Variants in RNF111 observed in about 807,000 individuals in gnomAD.
RNF111 encodes ring finger protein 111, also known as E3 ubiquitin-protein ligase Arkadia.
RNF111 carries 17 observed loss-of-function variants against 95.1 expected under a neutral mutation model. The observed-to-expected ratio is 0.18, with a 90% CI of 0.12 to 0.27. The LOEUF is 0.27. Ranked by LOEUF, RNF111 falls within the 10% of genes least tolerant of loss-of-function variation. RNF111 has a pLI of 1.00. For missense variants in RNF111, 1,189 were observed against 1,210.4 expected (o/e 0.98, Z 0.26); for synonymous variants, 440 against 414.8 (o/e 1.06, Z -0.74).
intron 1 of RNF111, among the ~76,000 whole-genome samples, chr15:59,022,528 C>G (rs898640717): frequency 5.3e-5 from 8 of 152,160 alleles, no homozygotes; most frequent in African/African-American, 1.9e-4. Flanking sequence ...AATATCCAGA[C>G]CAACATGGAA....
chr15:59,039,289 C>T (rs1447486352), intron 2 of RNF111, among the ~76,000 whole-genome samples: 1 of 151,964 alleles, frequency 6.6e-6, no homozygotes, highest in East Asian at 1.9e-4. Context: ...TATCATTTTG[C>T]TTAGGTTTAT....
At chr15:59,054,304 A>T (rs2042116058) in intron 3 of RNF111, among the ~76,000 whole-genome samples, 1 of 152,084 alleles carries the variant, frequency 6.6e-6, no homozygotes, top group Admixed American at 6.6e-5. Flanking sequence ...GACAGTTGCT[A>T]CTAATCATAG....
chr15:59,052,569 ATTTTTTTT>A (rs768761060), intron 3 of RNF111, 138 bp downstream of exon 3: 3 of 248,818 alleles, frequency 1.2e-5, no homozygotes, highest in Admixed American at 6.3e-5. Flanking sequence ...AGATTAGTGG[ATTTTTTTT>A]TTTTTTTTTT....
intron 8 of RNF111, among the ~76,000 whole-genome samples, chr15:59,081,746 G>C (rs546971377): frequency 6.6e-6 from 1 of 151,682 alleles, no homozygotes; most frequent in South Asian, 2.1e-4. Context: ...ACAAAAGATA[G>C]GTGGCTGCAG....
At chr15:59,033,077 G>T (rs1238541753) in intron 2 of RNF111, among the ~76,000 whole-genome samples, 1 of 152,218 alleles carries the variant, frequency 6.6e-6, no homozygotes, top group Non-Finnish European at 1.5e-5. Flanking sequence ...TGAGGGAAAA[G>T]ATTAATTTCT....
chr15:59,056,472 T>C (rs1403757455), intron 4 of RNF111, among the ~76,000 whole-genome samples: 2 of 152,196 alleles, frequency 1.3e-5, no homozygotes, highest in East Asian at 3.8e-4. Context: ...ATTAGTTATA[T>C]CTTAGGAAAT....
intron 8 of RNF111, chr15:59,083,849 A>G (rs1642655352): frequency 1.6e-5 from 3 of 182,332 alleles, no homozygotes; most frequent in Non-Finnish European, 3.2e-5. Flanking sequence ...ACTTGTAAAG[A>G]AGGTGTACAA....
Position 59,085,766 on chromosome 15 carries a change from T to C in RNF111, c.2531T>C (p.Leu844Ser). The change falls in exon 10 of 14, where the codon TTA becomes TCA. Residue 844 changes from leucine (L) to serine (S), a missense_variant. This residue lies in a region of RNF111 where 165 missense variants were observed against 284.6 expected (regional missense o/e 0.58). Transcript: ENST00000348370. ...CCTCCTCGACTTCATCACTTACAAT[T>C]AGGAGCTCTTCCTTTAATGGTAAAA... ...HAPPRLHHLQ[L>S]GALPLMVPDM... is the part of the protein sequence containing the mutation. 1 of 1,613,162 alleles carries C rather than the reference T, an allele frequency of 6.2e-7. No individual in the cohort carries two copies. Among genetic ancestry groups the C allele is most frequent in the Non-Finnish European group, 8.5e-7 (1 of 1,179,410 alleles).
At chr15:59,019,515 G>A (rs1261196328) in intron 1 of RNF111, among the ~76,000 whole-genome samples, 1 of 151,960 alleles carries the variant, frequency 6.6e-6, no homozygotes, top group African/African-American at 2.4e-5. Context: ...GTTACATCCT[G>A]TTGTACAGTT....
chr15:59,035,377 C>T (rs2041126945), intron 2 of RNF111, among the ~76,000 whole-genome samples: 1 of 152,122 alleles, frequency 6.6e-6, no homozygotes. Context: ...CTCAAAAGTC[C>T]ACAGTCCAAA....
Position 59,058,742 on chromosome 15 carries a change from G to A in RNF111, c.1366+192G>A, listed in dbSNP as rs1331789020. 2.3e-5 allele frequency: 13 copies of A among 567,290 alleles called. No individual in the cohort carries two copies. The African/African-American group carries it at 2.4e-4, about 11-fold the overall frequency. The allele number at this position is 567,290 out of a possible 1,614,324, so 35.1% of individuals were successfully genotyped here. A position where few individuals can be genotyped will look rare whatever the true frequency, so the allele number is the denominator to read the frequency against. On this transcript the variant is annotated intron_variant, in intron 5 of 13. Transcript: ENST00000348370. ...TCATATTTGAGTTTGTGTGCTATAT[G>A]TAACCAGAGTATTATAGCTCAAATA...
chr15:59,017,282 G>C (rs1028512849), intron 1 of RNF111, among the ~76,000 whole-genome samples: 2 of 152,062 alleles, frequency 1.3e-5, no homozygotes, highest in Non-Finnish European at 2.9e-5. Flanking sequence ...TCCAGAGATC[G>C]TAAATGCGTC....
chr15:59,010,886 T>C (rs548326150), intron 1 of RNF111, among the ~76,000 whole-genome samples: 1 of 152,328 alleles, frequency 6.6e-6, no homozygotes, highest in Non-Finnish European at 1.5e-5. Flanking sequence ...TGTTATTTAA[T>C]TGGAATGAAT....
intron 5 of RNF111, 52 bp downstream of exon 5, chr15:59,058,602 A>T: frequency 6.7e-7 from 1 of 1,486,544 alleles, no homozygotes; most frequent in Non-Finnish European, 9.4e-7. Flanking sequence ...TTTCGTTAGG[A>T]AAAGTATTAT....
chr15:59,026,747 C>T (rs1312038267), intron 1 of RNF111, among the ~76,000 whole-genome samples: 1 of 151,700 alleles, frequency 6.6e-6, no homozygotes, highest in Non-Finnish European at 1.5e-5. Context: ...GAACATGATA[C>T]AATACAGCGA....
intron 4 of RNF111, among the ~76,000 whole-genome samples, chr15:59,057,483 C>G (rs1159120600): frequency 6.6e-6 from 1 of 151,958 alleles, no homozygotes; most frequent in East Asian, 1.9e-4. Flanking sequence ...ATTAAGAGAC[C>G]CCCCTTCTTT....
intron 1 of RNF111, among the ~76,000 whole-genome samples, chr15:59,016,502 C>G (rs1282728333): frequency 6.6e-6 from 1 of 152,138 alleles, no homozygotes; most frequent in Non-Finnish European, 1.5e-5. Context: ...TATTTTCTCT[C>G]TCTGCCCACA....
Position 59,023,471 on chromosome 15 carries a change from A to G in RNF111, c.-19-7333A>G, listed in dbSNP as rs917648955. 2.6e-5 allele frequency among the ~76,000 whole-genome samples: 4 copies of G among 151,996 alleles called. No homozygotes were observed. In the South Asian group the frequency reaches 6.2e-4, roughly 24 times the overall value. ...TAGTATATTTTTGTTATTCTGTAGTATTTTCTAACTAGCTACTGTTTGTGT... is the reference window on the plus strand; with the variant it reads ...TAGTATATTTTTGTTATTCTGTAGTGTTTTCTAACTAGCTACTGTTTGTGT... On this transcript the variant is annotated intron_variant, in intron 1 of 13. Transcript: ENST00000348370.
rs1180746536 is a variant in RNF111, at chr15:59,084,046, T to G, written c.2298-83T>G. On this transcript the variant is annotated intron_variant, in intron 8 of 13. Coordinates refer to ENST00000348370, the MANE Select transcript of RNF111 (RefSeq NM_017610.8). Reference sequence around the variant, plus strand: ...CTATAGATGTTTATAGTATTAATACTAGGGATTTTTTTCTACATTAAGAAA... The same window carrying G: ...CTATAGATGTTTATAGTATTAATACGAGGGATTTTTTTCTACATTAAGAAA... 10 of 1,313,934 alleles carry G rather than the reference T, an allele frequency of 7.6e-6. No homozygotes were observed. The East Asian group carries it at 2.8e-4, about 37-fold the overall frequency. The allele number at this position is 1,313,934 out of a possible 1,614,324, so 81.4% of individuals were successfully genotyped here.
Sources: allele counts gnomAD v4.1 joint callset (sites outside exome capture counted in the v4.1 genomes callset), GRCh38; gene constraint gnomAD v4.1.1; regional missense constraint gnomAD v4.1.1; transcripts MANE v1.5; gene names NCBI Gene and HGNC (gene_info 2026-07-23, HGNC 2026-07-21).